The following BMPR1B variants were observed in gnomAD, a reference collection of about 807,000 sequenced individuals.
BMPR1B encodes bone morphogenetic protein receptor type 1B, also known as bone morphogenetic protein receptor type-1B.
BMPR1B carries 12 observed loss-of-function variants against 59.1 expected under a neutral mutation model. The ratio of observed to expected loss-of-function variants is 0.20; its 90% CI spans 0.13 to 0.33. BMPR1B has a LOEUF of 0.33. Among genes scored for constraint, BMPR1B ranks in the 10% least tolerant of loss-of-function variants. The probability of loss-of-function intolerance (pLI) is 1.00; values close to 1 mark genes in which losing one functional copy is unlikely to be tolerated. For missense variants in BMPR1B, 550 were observed against 610.9 expected, an observed-to-expected ratio of 0.90 and a Z score of 1.05; for synonymous variants, 237 against 207.3, an observed-to-expected ratio of 1.14 and a Z score of -1.23.
At chr4:94,853,513 T>G (rs1370647079) in intron 1 of BMPR1B, among the ~76,000 whole-genome samples, 2 of 152,230 alleles carry the variant, frequency 1.3e-5, no homozygotes, top group Non-Finnish European at 2.9e-5. Context: ...ATCTTATAGA[T>G]AGTATTATCT....
At chr4:94,930,959 GA>G (rs996911822) in intron 2 of BMPR1B, among the ~76,000 whole-genome samples, 5 of 150,542 alleles carry the variant, frequency 3.3e-5, no homozygotes, top group African/African-American at 4.9e-5. Context: ...TGAGGACTAA[GA>G]AAAAAAAATA....
chr4:94,936,150 A>G (rs7657460), intron 2 of BMPR1B, among the ~76,000 whole-genome samples: 11,217 of 152,288 alleles, frequency 0.074, 583 homozygotes, highest in African/African-American at 0.15. Context: ...CGTGGTATTC[A>G]TGCTGTGGAG....
intron 1 of BMPR1B, among the ~76,000 whole-genome samples, chr4:94,794,299 T>C (rs1723099896): frequency 6.6e-6 from 1 of 151,308 alleles, no homozygotes; most frequent in South Asian, 2.1e-4. Flanking sequence ...TGCTTGTTTT[T>C]CTCAGGTTTG....
intron 2 of BMPR1B, among the ~76,000 whole-genome samples, chr4:94,985,931 C>T (rs549601849): frequency 5.2e-4 from 79 of 152,206 alleles, no homozygotes; most frequent in Middle Eastern, 6.8e-3. Flanking sequence ...GGAGTTGGAC[C>T]GTAAGAGAGG....
chr4:94,959,303 T>C (rs1172404627), intron 2 of BMPR1B, among the ~76,000 whole-genome samples: 1 of 152,214 alleles, frequency 6.6e-6, no homozygotes, highest in Admixed American at 6.5e-5. Context: ...TAATCCATGA[T>C]AATGTTAAGG....
intron 1 of BMPR1B, among the ~76,000 whole-genome samples, chr4:94,761,099 T>C (rs1024237074): frequency 6.6e-6 from 1 of 152,332 alleles, no homozygotes; most frequent in East Asian, 1.9e-4. Context: ...ACTGGACTCA[T>C]GTTTGACTTC....
intron 2 of BMPR1B, among the ~76,000 whole-genome samples, chr4:94,893,720 T>C (rs1428340728): frequency 6.6e-6 from 1 of 151,926 alleles, no homozygotes; most frequent in East Asian, 1.9e-4. Flanking sequence ...TCCATTCCTA[T>C]AAAATGGTGT....
chr4:94,831,144 GGAAA>G (rs1178913779), intron 1 of BMPR1B, among the ~76,000 whole-genome samples: 5 of 151,592 alleles, frequency 3.3e-5, no homozygotes, highest in Non-Finnish European at 7.4e-5. Context: ...GATATGGAGG[GGAAA>G]GACAGTGACA....
chr4:94,889,685 AAG>A (rs1173647683), intron 2 of BMPR1B, among the ~76,000 whole-genome samples: 1 of 151,982 alleles, frequency 6.6e-6, no homozygotes, highest in Admixed American at 6.6e-5. Context: ...ATGTTCCAAA[AAG>A]GGAAACCTGA....
At chr4:95,054,252 G>T (rs1476236301) in intron 3 of BMPR1B, among the ~76,000 whole-genome samples, 1 of 152,120 alleles carries the variant, frequency 6.6e-6, no homozygotes, top group East Asian at 1.9e-4. Flanking sequence ...ACAATAAGTG[G>T]AAAGAAGAAC....
At chr4:95,061,204 C>T (rs1418506189) in intron 3 of BMPR1B, among the ~76,000 whole-genome samples, 2 of 121,596 alleles carry the variant, frequency 1.6e-5, no homozygotes, top group East Asian at 5.7e-4. Flanking sequence ...CACACACACA[C>T]ACACACCACA....
In BMPR1B at chr4:94,793,271, G is replaced by GT. The variant is rs1389765865; in HGVS notation, c.-183+35210dup. ...CTATGAGTGAGAATATGCGGTGTTTGTTTTTTTGTTCTTGTGATAGTTTAC... is the reference window on the plus strand; with the variant it reads ...CTATGAGTGAGAATATGCGGTGTTTGTTTTTTTTGTTCTTGTGATAGTTTAC... On this transcript the variant is annotated intron_variant, in intron 1 of 12. Coordinates refer to ENST00000515059, the MANE Select transcript of BMPR1B (RefSeq NM_001203.3). 7.4e-3 allele frequency among the ~76,000 whole-genome samples: 1,128 copies of GT among 151,584 alleles called. 14 individuals are homozygous for GT. Among genetic ancestry groups the GT allele is most frequent in the African/African-American group, 0.026 (1,076 of 41,280 alleles).
rs144458259 is a variant in BMPR1B at position 94,826,041 on chromosome 4, GA to G, written c.-182-49781del. Among the ~76,000 whole-genome samples the G allele has an allele frequency of 6.8e-3, 1,023 of 150,894 alleles. 10 individuals carry two copies. The highest frequency in any genetic ancestry group is 0.023 in the African/African-American group (941 of 41,152). On this transcript the variant is annotated intron_variant, in intron 1 of 12. Transcript: ENST00000515059. ...ATCTAAAGGTTTATTTTTATTTGTG[GA>G]AAAAAAAATTTTAAAATCATTTCCT...
At chr4:95,068,255 C>G (rs533785264) in intron 3 of BMPR1B, among the ~76,000 whole-genome samples, 2 of 152,120 alleles carry the variant, frequency 1.3e-5, no homozygotes, top group African/African-American at 4.8e-5. Flanking sequence ...CACTTAATGG[C>G]AGTTCCATCC....
chr4:95,111,535 G>A (rs1425067694), intron 4 of BMPR1B, among the ~76,000 whole-genome samples: 1 of 152,072 alleles, frequency 6.6e-6, no homozygotes, highest in Admixed American at 6.6e-5. Flanking sequence ...GGTTCCAGAA[G>A]GCTATATTAT....
intron 2 of BMPR1B, among the ~76,000 whole-genome samples, chr4:94,928,051 G>T (rs1336095886): frequency 6.6e-6 from 1 of 152,070 alleles, no homozygotes; most frequent in East Asian, 1.9e-4. Flanking sequence ...GAGAGTAAAT[G>T]TAGGAATTTG....
intron 1 of BMPR1B, among the ~76,000 whole-genome samples, chr4:94,858,230 G>A (rs1385926618): frequency 1.3e-5 from 2 of 152,194 alleles, no homozygotes; most frequent in East Asian, 1.9e-4. Context: ...GATTACAGGC[G>A]TGAGCCACCG....
At chr4:95,002,524 C>G (rs1375950038) in intron 3 of BMPR1B, among the ~76,000 whole-genome samples, 1 of 152,202 alleles carries the variant, frequency 6.6e-6, no homozygotes, top group Non-Finnish European at 1.5e-5. Context: ...AATGGTAGTT[C>G]TGTTTTACAT....
chr4:94,861,789 A>G (rs1438401534), intron 1 of BMPR1B, among the ~76,000 whole-genome samples: 2 of 152,206 alleles, frequency 1.3e-5, no homozygotes, highest in African/African-American at 4.8e-5. Flanking sequence ...TTTAGAAATG[A>G]TGATATAGGT....
Sources: allele counts gnomAD v4.1 joint callset (sites outside exome capture counted in the v4.1 genomes callset), GRCh38; gene constraint gnomAD v4.1.1; transcripts MANE v1.5; gene names NCBI Gene and HGNC (gene_info 2026-07-23, HGNC 2026-07-21).